PCDHA7: variants seen among roughly 807,000 people sequenced by gnomAD.
The protein encoded by PCDHA7 is protocadherin alpha 7.
A neutral mutation model predicts 57.2 loss-of-function variants in PCDHA7; 37 were observed. That is an observed-to-expected ratio of 0.65 (90% CI 0.50 to 0.85). The LOEUF is 0.85. Among genes scored for constraint, PCDHA7 ranks in the 40% least tolerant of loss-of-function variants. PCDHA7 has a pLI of 0.00. For synonymous variants in PCDHA7, 553 were observed against 558.8 expected (o/e 0.99, Z 0.15); for missense variants, 1,188 against 1,241.8 (o/e 0.96, Z 0.65).
intron 1 of PCDHA7, chr5:140,877,048 G>C (rs376952553): frequency 1.2e-5 from 19 of 1,612,558 alleles, no homozygotes; most frequent in African/African-American, 2.7e-5. Flanking sequence ...GCTAGACCAC[G>C]AGGAGCTGGA....
Position 140,837,615 on chromosome 5 carries a change from CCCTTCCTT to C in PCDHA7, c.2355+890_2355+897del, listed in dbSNP as rs528339826. On this transcript the variant is annotated intron_variant, in intron 1 of 3. Transcript: ENST00000525929. ...CCAATATATATATTTTATAATTTGCCCCTTCCTTCCTTCCTTCCTTTCTTTCTTTCTTT... is the reference window on the plus strand; with the variant it reads ...CCAATATATATATTTTATAATTTGCCCCTTCCTTCCTTTCTTTCTTTCTTT... 5.5e-5 allele frequency among the ~76,000 whole-genome samples: 8 copies of C among 145,806 alleles called. 2 individuals are homozygous for C. The highest frequency in any genetic ancestry group is 1.2e-4 in the Non-Finnish European group (8 of 66,858).
At chr5:140,987,395 G>A (rs1438598842) in intron 3 of PCDHA7, among the ~76,000 whole-genome samples, 1 of 152,166 alleles carries the variant, frequency 6.6e-6, no homozygotes, top group East Asian at 1.9e-4. Flanking sequence ...ATGCAAGGAA[G>A]CCATCTGTTT....
rs2150339268 is a variant in PCDHA7, at chr5:140,842,564, C to T, written c.2355+5826C>T. ...GTTGGTGCTGGACAGCGCCCTGGACCGCGAGAGAGTGTCGGCCTATGAGTT... is the reference window on the plus strand; with the variant it reads ...GTTGGTGCTGGACAGCGCCCTGGACTGCGAGAGAGTGTCGGCCTATGAGTT... On this transcript the variant is annotated intron_variant, in intron 1 of 3. Transcript: ENST00000525929. 4 of 1,500,320 alleles carry T rather than the reference C, an allele frequency of 2.7e-6. 1 individual carries two copies. The highest frequency in any genetic ancestry group is 1.9e-5 in the Admixed American group (1 of 52,900). The allele number at this position is 1,500,320 out of a possible 1,614,324, so 92.9% of individuals were successfully genotyped here.
At chr5:140,863,396 G>A (rs782335492) in intron 1 of PCDHA7, 12 of 872,454 alleles carry the variant, frequency 1.4e-5, no homozygotes, top group South Asian at 8.9e-5. Context: ...TGCATGCCGG[G>A]CAAGCCCACG....
chr5:140,933,314 G>C (rs925777839), intron 1 of PCDHA7, among the ~76,000 whole-genome samples: 1 of 151,914 alleles, frequency 6.6e-6, no homozygotes, highest in African/African-American at 2.4e-5. Context: ...ATGCAATCTC[G>C]TATTCTCCTG....
At chr5:140,904,471 C>G (rs2071156688) in intron 1 of PCDHA7, among the ~76,000 whole-genome samples, 1 of 151,730 alleles carries the variant, frequency 6.6e-6, no homozygotes, top group Non-Finnish European at 1.5e-5. Context: ...TGATTGGTGG[C>G]TATTTGGTCT....
intron 1 of PCDHA7, among the ~76,000 whole-genome samples, chr5:140,961,980 T>C (rs909552255): frequency 6.6e-6 from 1 of 151,768 alleles, no homozygotes; most frequent in Non-Finnish European, 1.5e-5. Context: ...GCCTCCTGGG[T>C]TCACGCCATT....
Position 140,917,327 on chromosome 5 carries a change from G to A in PCDHA7, c.2356-61622G>A, listed in dbSNP as rs1219338384. ...TTACAATTTGGTGTTCATGTGGCGG[G>A]GGAGGGGGGGGATGGTGTAGGCTTC... On this transcript the variant is annotated intron_variant, in intron 1 of 3. Coordinates refer to ENST00000525929, the MANE Select transcript of PCDHA7 (RefSeq NM_018910.3). Among the ~76,000 whole-genome samples, 73 of 149,528 alleles carry A rather than the reference G, an allele frequency of 4.9e-4. 3 individuals carry two copies. Among genetic ancestry groups the A allele is most frequent in the African/African-American group, 1.3e-3 (54 of 40,384 alleles).
chr5:140,870,149 T>G (rs2051707862), intron 1 of PCDHA7: 2 of 1,613,952 alleles, frequency 1.2e-6, no homozygotes, highest in Non-Finnish European at 8.5e-7. Context: ...TCTCCTGAAG[T>G]CGCCGTGACT....
At chr5:140,855,112 C>T (rs2043341257) in intron 1 of PCDHA7, among the ~76,000 whole-genome samples, 1 of 149,738 alleles carries the variant, frequency 6.7e-6, no homozygotes, top group South Asian at 2.1e-4. Flanking sequence ...ATAATTAAGG[C>T]ATTCTATAGG....
chr5:140,987,747 T>G (rs1336636332), intron 3 of PCDHA7, among the ~76,000 whole-genome samples: 1 of 152,178 alleles, frequency 6.6e-6, no homozygotes. Context: ...TAGACCCAGG[T>G]TGTTCTGAGT....
At chr5:140,907,519 C>A (rs1378450434) in intron 1 of PCDHA7, among the ~76,000 whole-genome samples, 3 of 152,184 alleles carry the variant, frequency 2.0e-5, no homozygotes, top group Non-Finnish European at 4.4e-5. Flanking sequence ...CCAGTGAGGA[C>A]AAATCGCTGC....
chr5:140,870,945 G>T, intron 1 of PCDHA7: 2 of 1,613,724 alleles, frequency 1.2e-6, no homozygotes, highest in Non-Finnish European at 1.7e-6. Flanking sequence ...AGCCGGCGGC[G>T]GGCGGCTCGC....
intron 1 of PCDHA7, 114 bp downstream of exon 1, chr5:140,836,852 A>AT (rs1364228516): frequency 6.2e-6 from 5 of 810,820 alleles, no homozygotes; most frequent in Non-Finnish European, 9.4e-6. Context: ...TATAATTATT[A>AT]TTTTTTAATG....
intron 3 of PCDHA7, among the ~76,000 whole-genome samples, chr5:140,994,729 A>G (rs1382639837): frequency 6.6e-6 from 1 of 152,180 alleles, no homozygotes; most frequent in Non-Finnish European, 1.5e-5. Flanking sequence ...AATACTGGGT[A>G]TTGCAGGATG....
intron 1 of PCDHA7, among the ~76,000 whole-genome samples, chr5:140,944,325 T>C (rs1179163685): frequency 1.3e-5 from 2 of 152,196 alleles, no homozygotes; most frequent in East Asian, 3.9e-4. Context: ...GTAGCTGGGA[T>C]TACAAGCACG....
intron 1 of PCDHA7, among the ~76,000 whole-genome samples, chr5:140,944,043 T>C (rs2093600641): frequency 6.6e-6 from 1 of 152,080 alleles, no homozygotes; most frequent in African/African-American, 2.4e-5. Flanking sequence ...GAAAACCAGA[T>C]TGGGATACAA....
intron 1 of PCDHA7, among the ~76,000 whole-genome samples, chr5:140,892,990 G>T (rs782084236): frequency 1.3e-5 from 2 of 152,164 alleles, no homozygotes; most frequent in African/African-American, 2.4e-5. Context: ...GTATAAGTGA[G>T]AACATGTATT....
chr5:140,925,612 G>A (rs895763627), intron 1 of PCDHA7, among the ~76,000 whole-genome samples: 2 of 150,356 alleles, frequency 1.3e-5, no homozygotes, highest in Non-Finnish European at 3.0e-5. Flanking sequence ...AAACCTGCAC[G>A]TTGTGCACAT....
Sources: gnomAD v4.1 joint callset for allele counts (sites outside exome capture counted in the v4.1 genomes callset) on GRCh38, gnomAD v4.1.1 for gene constraint, MANE v1.5 for transcripts, NCBI Gene and HGNC (gene_info 2026-07-23, HGNC 2026-07-21) for gene names.